Variants in AGBL4 observed in about 807,000 individuals in gnomAD.
AGBL4 encodes cytosolic carboxypeptidase 6.
Under a neutral mutation model 66.4 loss-of-function variants are expected in AGBL4, and 58 were observed. The ratio of observed to expected loss-of-function variants is 0.87; its 90% CI spans 0.71 to 1.09. The LOEUF is 1.09. Among genes scored for constraint, AGBL4 ranks in the 50% least tolerant of loss-of-function variants. The pLI, the probability that AGBL4 is intolerant of heterozygous loss-of-function variation, is 0.00. For synonymous variants in AGBL4, 234 were observed against 222.9 expected (o/e 1.05, Z -0.44); for missense variants, 579 against 631.0 (o/e 0.92, Z 0.88).
chr1:50,017,777 T>A (rs1006108011), intron 1 of AGBL4, among the ~76,000 whole-genome samples: 4 of 152,138 alleles, frequency 2.6e-5, no homozygotes, highest in Non-Finnish European at 5.9e-5. Context: ...AACCACCTGT[T>A]GGATACTATG....
At chr1:49,859,599 T>C (rs895205432) in intron 1 of AGBL4, among the ~76,000 whole-genome samples, 2 of 152,160 alleles carry the variant, frequency 1.3e-5, no homozygotes. Flanking sequence ...ATAAAAGGAA[T>C]CTTTATATCT....
chr1:49,065,257 A>G (rs1254418935), intron 4 of AGBL4, among the ~76,000 whole-genome samples: 2 of 152,206 alleles, frequency 1.3e-5, no homozygotes, highest in Non-Finnish European at 2.9e-5. Flanking sequence ...GCCTCTATGG[A>G]CATACTAAAT....
At chr1:49,545,172 A>C (rs1652372429) in intron 3 of AGBL4, among the ~76,000 whole-genome samples, 1 of 152,210 alleles carries the variant, frequency 6.6e-6, no homozygotes, top group African/African-American at 2.4e-5. Context: ...GCTACATAAC[A>C]TTATAATTCC....
chr1:49,345,353 C>A (rs1645615949), intron 3 of AGBL4, among the ~76,000 whole-genome samples: 2 of 152,078 alleles, frequency 1.3e-5, no homozygotes, highest in Non-Finnish European at 2.9e-5. Flanking sequence ...TGTCCTAAGA[C>A]TTTTTGTCAT....
At chr1:48,557,911 T>A (rs1443666565) in intron 11 of AGBL4, among the ~76,000 whole-genome samples, 1 of 127,174 alleles carries the variant, frequency 7.9e-6, no homozygotes, top group African/African-American at 2.8e-5. Flanking sequence ...CTCTTTCCCA[T>A]TAGATTGTGA....
intron 3 of AGBL4, among the ~76,000 whole-genome samples, chr1:49,541,569 G>A (rs1228072990): frequency 3.3e-5 from 5 of 152,184 alleles, no homozygotes; most frequent in African/African-American, 1.2e-4. Context: ...CTGCCTCTCC[G>A]CGGGGCAGGG....
chr1:49,880,212 G>A (rs1038256874), intron 1 of AGBL4, among the ~76,000 whole-genome samples: 5 of 151,872 alleles, frequency 3.3e-5, no homozygotes, highest in Admixed American at 2.6e-4. Context: ...GAGGAACTGC[G>A]TTCCTTTGGA....
At chr1:49,569,960 A>C (rs1400356009) in intron 3 of AGBL4, among the ~76,000 whole-genome samples, 2 of 152,158 alleles carry the variant, frequency 1.3e-5, no homozygotes, top group Non-Finnish European at 2.9e-5. Context: ...TATATATACC[A>C]CATTTTTTTA....
At position 49,932,731 on chromosome 1, in the gene AGBL4, T is replaced by C. The variant is rs1389891022; in HGVS notation, c.35-81213A>G. Among the ~76,000 whole-genome samples, 4 of 152,008 alleles carry C rather than the reference T, an allele frequency of 2.6e-5. No homozygotes were observed. The East Asian group carries it at 7.7e-4, about 29-fold the overall frequency. ...CCACAAACCCTCCTAGACAGAAACA[T>C]TGATGAAAAAACAATATTTGGGTCA... On this transcript the variant is annotated intron_variant, in intron 1 of 13. Transcript: ENST00000371839.
intron 11 of AGBL4, among the ~76,000 whole-genome samples, chr1:48,581,763 G>A (rs905507839): frequency 6.6e-6 from 1 of 152,202 alleles, no homozygotes; most frequent in Admixed American, 6.5e-5. Context: ...CTCCCATGCA[G>A]CCCTAACAAC....
intron 5 of AGBL4, among the ~76,000 whole-genome samples, chr1:49,026,131 G>T (rs1368926432): frequency 6.6e-6 from 1 of 152,148 alleles, no homozygotes; most frequent in East Asian, 1.9e-4. Flanking sequence ...AAAAACTCAG[G>T]TTCAAAAGAA....
chr1:49,738,285 C>A (rs1002841928), intron 2 of AGBL4, among the ~76,000 whole-genome samples: 1 of 152,226 alleles, frequency 6.6e-6, no homozygotes, highest in African/African-American at 2.4e-5. Context: ...GGGGGTCCTA[C>A]GCCCACGGAG....
At chr1:49,183,802 A>T (rs530142709) in intron 4 of AGBL4, among the ~76,000 whole-genome samples, 235 of 152,318 alleles carry the variant, frequency 1.5e-3, no homozygotes, top group African/African-American at 5.3e-3. Flanking sequence ...TATTACTCCA[A>T]GAGTCAACTC....
At chr1:50,007,591 T>C (rs1302428474) in intron 1 of AGBL4, among the ~76,000 whole-genome samples, 2 of 152,064 alleles carry the variant, frequency 1.3e-5, no homozygotes, top group Admixed American at 6.6e-5. Flanking sequence ...AGTGAGATTC[T>C]GTCCCTACAA....
chr1:49,406,238 AAT>A (rs1328773117), intron 3 of AGBL4, among the ~76,000 whole-genome samples: 1 of 152,214 alleles, frequency 6.6e-6, no homozygotes, highest in Non-Finnish European at 1.5e-5. Context: ...TGACTCTTAA[AAT>A]ATGTCTTTCC....
intron 3 of AGBL4, among the ~76,000 whole-genome samples, chr1:49,695,212 C>A (rs149526856): frequency 5.1e-4 from 77 of 152,120 alleles, no homozygotes; most frequent in African/African-American, 1.9e-3. Context: ...AAAATGTTTT[C>A]CTTCCTTCAT....
chr1:49,477,391 T>A (rs1347311749), intron 3 of AGBL4, among the ~76,000 whole-genome samples: 2 of 152,090 alleles, frequency 1.3e-5, no homozygotes, highest in Non-Finnish European at 2.9e-5. Flanking sequence ...TCCATTTGTT[T>A]GGAAGAAAGT....
chr1:48,673,980 C>T (rs541948990), intron 6 of AGBL4, among the ~76,000 whole-genome samples: 9 of 152,320 alleles, frequency 5.9e-5, no homozygotes, highest in Middle Eastern at 3.4e-3. Flanking sequence ...GGATCTCACT[C>T]CCGTACTCCC....
At chr1:49,652,717 G>C (rs2124453801) in intron 3 of AGBL4, among the ~76,000 whole-genome samples, 1 of 152,306 alleles carries the variant, frequency 6.6e-6, no homozygotes, top group East Asian at 1.9e-4. Flanking sequence ...AGCTGGGACA[G>C]TTCAAGGCCA....
Sources: allele counts gnomAD v4.1 joint callset (sites outside exome capture counted in the v4.1 genomes callset), GRCh38; gene constraint gnomAD v4.1.1; transcripts MANE v1.5; gene names NCBI Gene and HGNC (gene_info 2026-07-23, HGNC 2026-07-21).